The following BCAS3 variants were observed in gnomAD, a reference collection of about 807,000 sequenced individuals.
BCAS3 encodes BCAS4/BCAS3 fusion.
BCAS3 carries 53 observed loss-of-function variants against 116.1 expected under a neutral mutation model. The observed-to-expected ratio is 0.46, with a 90% CI of 0.37 to 0.57. BCAS3 has a LOEUF of 0.57. Ranked by LOEUF, BCAS3 falls within the 20% of genes least tolerant of loss-of-function variation. BCAS3 has a pLI of 0.00. For synonymous variants in BCAS3, 391 were observed against 408.2 expected (o/e 0.96, Z 0.51); for missense variants, 917 against 1,165.4 (o/e 0.79, Z 3.10).
chr17:60,749,520 T>C (rs1230202469), intron 6 of BCAS3, among the ~76,000 whole-genome samples: 2 of 152,218 alleles, frequency 1.3e-5, no homozygotes, highest in African/African-American at 2.4e-5. Flanking sequence ...ATTTCTTCCA[T>C]TGAGTTTTCA....
chr17:61,247,781 T>G (rs1044831754), intron 22 of BCAS3, among the ~76,000 whole-genome samples: 1 of 152,202 alleles, frequency 6.6e-6, no homozygotes, highest in Non-Finnish European at 1.5e-5. Context: ...TGCAATCAGC[T>G]TAGTTTTCTC....
rs570924500 is a variant in BCAS3, at chr17:61,082,177, C to T, written c.2328-2290C>T. Among the ~76,000 whole-genome samples the T allele has an allele frequency of 6.6e-6, 1 of 152,142 alleles. No individual in the cohort carries two copies. Among genetic ancestry groups the T allele is most frequent in the Non-Finnish European group, 1.5e-5 (1 of 68,034 alleles). On this transcript the variant is annotated intron_variant, in intron 21 of 23. Transcript: ENST00000407086. The surrounding 1 kb of genome is among the most constrained non-coding windows in gnomAD (Gnocchi z 5.1). ...TGCTGAGTATGCAAAGCCTCTCTTT[C>T]CACTCGATTAGCTCCTCAGAAATTG...
rs762921303 is a variant in BCAS3, at chr17:60,990,061, G to A, written c.1312G>A (p.Gly438Ser). 1 of 1,614,168 alleles carries A rather than the reference G, an allele frequency of 6.2e-7. No individual in the cohort carries two copies. The highest frequency in any genetic ancestry group is 8.5e-7 in the Non-Finnish European group (1 of 1,180,034). The change falls in exon 15 of 24, where the codon GGT (glycine) becomes AGT (serine). Residue 438 changes from glycine to serine, a missense_variant. Transcript: ENST00000407086. This position sits in a 1 kb window ranked among gnomAD's most constrained non-coding sequence, Gnocchi z 5.1. Reference protein sequence around the residue: ...TSHVFPINPYGGQPCVRTHMS... With the variant: ...TSHVFPINPYSGQPCVRTHMS... ...CCACGTTTTCCCCATCAACCCTTAT[G>A]GTGGCCAGCCTTGTGTTCGTACACA...
At chr17:61,238,326 G>A (rs369404330) in intron 22 of BCAS3, among the ~76,000 whole-genome samples, 29 of 151,820 alleles carry the variant, frequency 1.9e-4, no homozygotes, top group African/African-American at 6.3e-4. Flanking sequence ...AGTTTCAAGC[G>A]ATTTTCCTGC....
rs920260086 is a variant in BCAS3, at chr17:61,243,963, T to C, written c.2426-124364T>C. Among the ~76,000 whole-genome samples the C allele has an allele frequency of 2.0e-4, 31 of 151,672 alleles. No homozygotes were observed. The highest frequency in any genetic ancestry group is 7.0e-4 in the African/African-American group (29 of 41,252). The stretch of plus-strand genomic sequence containing the variant: ...ACCACAACCTGCTAATTTTTTAAGT[T>C]TTTTTTTTCAAGAGACAGAGTCTTG... On this transcript the variant is annotated intron_variant, in intron 22 of 23. Coordinates refer to ENST00000407086, the MANE Select transcript of BCAS3 (RefSeq NM_017679.5). The surrounding 1 kb of genome is among the most constrained non-coding windows in gnomAD (Gnocchi z 5.6).
intron 23 of BCAS3, among the ~76,000 whole-genome samples, chr17:61,385,595 C>T (rs2059807180): frequency 6.6e-6 from 1 of 152,236 alleles, no homozygotes; most frequent in African/African-American, 2.4e-5. Context: ...GGTACTGAAG[C>T]TGTTGGTTGC....
Position 61,271,589 on chromosome 17 carries a change from CTGTGTGTGTGTGTGTGTGTGTG to C in BCAS3, c.2426-96714_2426-96693del, listed in dbSNP as rs34693526. Among the ~76,000 whole-genome samples the C allele has an allele frequency of 1.4e-3, 168 of 118,432 alleles. 2 individuals are homozygous for C. The highest frequency in any genetic ancestry group is 4.9e-3 in the African/African-American group (150 of 30,334). The allele number at this position is 118,432 out of a possible 152,430, so 77.7% of individuals were successfully genotyped here. A position where few individuals can be genotyped will look rare whatever the true frequency, so the allele number is the denominator to read the frequency against. On this transcript the variant is annotated intron_variant, in intron 22 of 23. Transcript: ENST00000407086. Reference sequence around the variant, plus strand: ...CAGGCGCCCGCCATCACGCCCAGCTCTGTGTGTGTGTGTGTGTGTGTGTGTGTGTGTGTGTGTGTGTGTGTTT... The same window carrying C: ...CAGGCGCCCGCCATCACGCCCAGCTCTGTGTGTGTGTGTGTGTGTGTGTTT...
At chr17:60,696,580 G>C (rs1422782397) in intron 4 of BCAS3, 1 of 152,166 alleles carries the variant, frequency 6.6e-6, no homozygotes, top group Non-Finnish European at 1.5e-5. Flanking sequence ...AGTCCAGCCT[G>C]GGCAACATAG....
intron 22 of BCAS3, among the ~76,000 whole-genome samples, chr17:61,287,034 G>A (rs2051869277): frequency 6.6e-6 from 1 of 151,508 alleles, no homozygotes. Flanking sequence ...GGATCACAAG[G>A]TCAGGAGATC....
At chr17:61,223,998 G>A (rs1412705911) in intron 22 of BCAS3, among the ~76,000 whole-genome samples, 2 of 152,216 alleles carry the variant, frequency 1.3e-5, no homozygotes, top group African/African-American at 2.4e-5. Context: ...ATAGAAGGAG[G>A]TGGGTCAGAG....
intron 22 of BCAS3, among the ~76,000 whole-genome samples, chr17:61,342,751 C>CTT (rs113701578): frequency 7.3e-5 from 10 of 137,034 alleles, no homozygotes; most frequent in Non-Finnish European, 8.0e-5. Context: ...ATTTTCTTTT[C>CTT]TTTTTTTTTT....
chr17:60,780,611 C>G (rs1270156632), intron 6 of BCAS3, among the ~76,000 whole-genome samples: 3 of 152,056 alleles, frequency 2.0e-5, no homozygotes, highest in Non-Finnish European at 2.9e-5. Context: ...CCCTAAAAAG[C>G]TTTTTTGTCA....
At position 61,324,420 on chromosome 17, in the gene BCAS3, G is replaced by A. The variant is rs117993484; in HGVS notation, c.2426-43907G>A. On this transcript the variant is annotated intron_variant, in intron 22 of 23. Transcript: ENST00000407086. This position sits in a 1 kb window ranked among gnomAD's most constrained non-coding sequence, Gnocchi z 4.6. ...GGGCAGGGCAGGGAGAGGCTGCCCC[G>A]AGTATGTGTGGTAGTATTAATATAT... Among the ~76,000 whole-genome samples the A allele has an allele frequency of 7.9e-3, 1,196 of 152,302 alleles. 15 individuals carry two copies. Among genetic ancestry groups the A allele is most frequent in the Non-Finnish European group, 0.013 (916 of 68,018 alleles).
chr17:60,748,718 T>C (rs1237579239), intron 6 of BCAS3, among the ~76,000 whole-genome samples: 2 of 152,214 alleles, frequency 1.3e-5, no homozygotes, highest in Admixed American at 6.5e-5. Flanking sequence ...GGCAGAAATA[T>C]GTCTTGAAAA....
Position 61,156,272 on chromosome 17 carries a change from T to C in BCAS3, c.2425+71708T>C, listed in dbSNP as rs2077833260. Among the ~76,000 whole-genome samples, 1 of 152,152 alleles carries C rather than the reference T, an allele frequency of 6.6e-6. No individual in the cohort carries two copies. Among genetic ancestry groups the C allele is most frequent in the South Asian group, 2.1e-4 (1 of 4,828 alleles). On this transcript the variant is annotated intron_variant, in intron 22 of 23. Transcript: ENST00000407086. The surrounding 1 kb of genome is among the most constrained non-coding windows in gnomAD (Gnocchi z 4.7). The stretch of plus-strand genomic sequence containing the variant: ...TTCATTTTGGTCTTCTTTTCAGGGA[T>C]TGGAATTGAGCCTGGTAAAATTCCT...
intron 7 of BCAS3, chr17:60,811,524 A>G: frequency 2.7e-6 from 1 of 371,910 alleles, no homozygotes; most frequent in Non-Finnish European, 5.2e-6. Flanking sequence ...CAGAGGTAAA[A>G]AAAAAAAAGA....
intron 2 of BCAS3, 119 bp from the exon 3 acceptor site, chr17:60,683,862 AC>A (rs2033628626): frequency 1.1e-6 from 1 of 875,272 alleles, no homozygotes. Flanking sequence ...AAACAAAAAA[AC>A]CCCAAAAAAC....
In BCAS3 at chr17:60,972,443, C is replaced by A. The variant is rs535671619; in HGVS notation, c.1222-17528C>A. On this transcript the variant is annotated intron_variant, in intron 14 of 23. Coordinates refer to ENST00000407086, the MANE Select transcript of BCAS3 (RefSeq NM_017679.5). ...GATGTTGGGCTTTTATCTCACTTGG[C>A]CTTTTTTTTTTTTTTTTTTTTTTGA... Among the ~76,000 whole-genome samples, 22 of 138,160 alleles carry A rather than the reference C, an allele frequency of 1.6e-4. No individual in the cohort carries two copies. In the South Asian group the frequency reaches 4.6e-3, roughly 29 times the overall value. The allele number at this position is 138,160 out of a possible 152,430, so 90.6% of individuals were successfully genotyped here.
At chr17:60,928,987 T>G (rs545642977) in intron 13 of BCAS3, among the ~76,000 whole-genome samples, 1 of 152,292 alleles carries the variant, frequency 6.6e-6, no homozygotes, top group East Asian at 1.9e-4. Context: ...AGTAGCTGGG[T>G]TTTTTCCCTT....
Sources: allele counts gnomAD v4.1 joint callset (sites outside exome capture counted in the v4.1 genomes callset), GRCh38; gene constraint gnomAD v4.1.1; non-coding constraint Gnocchi (gnomAD v3.1); transcripts MANE v1.5; gene names NCBI Gene and HGNC (gene_info 2026-07-23, HGNC 2026-07-21).